The following WDR7 variants were observed in gnomAD, a reference collection of about 807,000 sequenced individuals.
WDR7 encodes WD repeat domain 7.
In WDR7, 46 loss-of-function variants were observed where a neutral mutation model predicts 169.4. The ratio of observed to expected loss-of-function variants is 0.27; its 90% CI spans 0.21 to 0.35. The LOEUF (loss-of-function observed/expected upper bound fraction) is 0.35. Ranked by LOEUF, WDR7 falls within the 10% of genes least tolerant of loss-of-function variation. WDR7 has a pLI of 1.00. For synonymous variants in WDR7, 612 were observed against 666.8 expected (o/e 0.92, Z 1.27); for missense variants, 1,534 against 1,859.3 (o/e 0.83, Z 3.22).
chr18:56,958,877 C>G (rs983872281), intron 25 of WDR7, among the ~76,000 whole-genome samples: 4 of 152,110 alleles, frequency 2.6e-5, no homozygotes, highest in Admixed American at 2.6e-4. Flanking sequence ...TGTAATGTTT[C>G]AAACTTCACT....
intron 16 of WDR7, 83 bp downstream of exon 16, chr18:56,759,036 ATTTG>A (rs58166764): frequency 0.07 from 79,178 of 1,128,344 alleles, 3,552 homozygotes; most frequent in East Asian, 0.18. Context: ...TAATCATAAT[ATTTG>A]TTTGTCTTGG....
chr18:56,670,915 C>A (rs2025121138), intron 1 of WDR7, among the ~76,000 whole-genome samples: 1 of 152,210 alleles, frequency 6.6e-6, no homozygotes, highest in African/African-American at 2.4e-5. Flanking sequence ...CTCTTCTATG[C>A]AGCTTTCTTT....
chr18:57,012,062 C>G (rs1450669799), intron 26 of WDR7, among the ~76,000 whole-genome samples: 1 of 152,118 alleles, frequency 6.6e-6, no homozygotes, highest in African/African-American at 2.4e-5. Context: ...ATGGGGCTAC[C>G]ATCTCTGTAA....
chr18:56,885,766 G>T (rs1000426550), intron 21 of WDR7, among the ~76,000 whole-genome samples: 34 of 150,866 alleles, frequency 2.3e-4, no homozygotes, highest in African/African-American at 7.8e-4. Context: ...GGCGGAGTTC[G>T]CAGTGAGCCG....
chr18:56,750,085 T>C (rs74334889), intron 14 of WDR7, among the ~76,000 whole-genome samples: 2,009 of 152,110 alleles, frequency 0.013, 20 homozygotes, highest in East Asian at 0.033. Flanking sequence ...GTTAATCTCA[T>C]GAATCATAGT....
intron 26 of WDR7, among the ~76,000 whole-genome samples, chr18:57,006,897 A>ATGTG (rs2048065457): frequency 6.6e-6 from 1 of 152,100 alleles, no homozygotes; most frequent in African/African-American, 2.4e-5. Flanking sequence ...ACCAGTACAT[A>ATGTG]TGTGTGTATG....
In WDR7 at chr18:56,724,209, A is replaced by ATTT. The variant is rs58382196; in HGVS notation, c.1774+6067_1774+6069dup. On this transcript the variant is annotated intron_variant, in intron 13 of 27. Coordinates refer to ENST00000254442, the MANE Select transcript of WDR7 (RefSeq NM_015285.3). ...GATCATTTTTTTGACATGCCTGGTAATTTTTTTTTTTTTTTTTTTGAGACA... is the reference window on the plus strand; with the variant it reads ...GATCATTTTTTTGACATGCCTGGTAATTTTTTTTTTTTTTTTTTTTTTGAGACA... Among the ~76,000 whole-genome samples, 189 of 98,002 alleles carry ATTT rather than the reference A, an allele frequency of 1.9e-3. 3 individuals are homozygous for ATTT. Among genetic ancestry groups the ATTT allele is most frequent in the Admixed American group, 2.6e-3 (18 of 7,002 alleles). 64.3% of individuals were successfully genotyped at this position (98,002 alleles called of 152,430 possible).
chr18:56,684,689 G>C (rs2025411047), intron 5 of WDR7, among the ~76,000 whole-genome samples: 1 of 152,190 alleles, frequency 6.6e-6, no homozygotes, highest in Non-Finnish European at 1.5e-5. Flanking sequence ...TTCATTTCCT[G>C]CCGCTGTTCT....
At chr18:56,742,232 A>G (rs1002905135) in intron 14 of WDR7, among the ~76,000 whole-genome samples, 2 of 152,240 alleles carry the variant, frequency 1.3e-5, no homozygotes, top group African/African-American at 4.8e-5. Context: ...ATCATAAATC[A>G]AATAGTAGAA....
At chr18:56,682,161 T>C (rs1316064594) in intron 4 of WDR7, among the ~76,000 whole-genome samples, 2 of 152,184 alleles carry the variant, frequency 1.3e-5, no homozygotes, top group Non-Finnish European at 2.9e-5. Context: ...GAGTATATCA[T>C]TTTACATATA....
At chr18:56,938,448 A>G (rs1479780891) in intron 23 of WDR7, 85 bp from the exon 24 acceptor site, 4 of 1,515,866 alleles carry the variant, frequency 2.6e-6, no homozygotes, top group Admixed American at 2.2e-5. Flanking sequence ...TTTCTATAGT[A>G]TTAGAAAGTA....
chr18:56,731,480 A>T lies in WDR7; in HGVS notation c.1872A>T (p.Pro624=). ...CTGCTGTTGATTCACTTAGTCATCCAGCAGTCAACCTAAAACAAGCTATGA... is the reference window on the plus strand; with the variant it reads ...CTGCTGTTGATTCACTTAGTCATCCTGCAGTCAACCTAAAACAAGCTATGA... ...VPAAVDSLSH[P]AVNLKQAMTR... Residue 624 remains proline, a synonymous_variant, in exon 14 of 28, where the codon CCA becomes CCT. Transcript: ENST00000254442. The T allele has an allele frequency of 6.2e-7, 1 of 1,614,210 alleles. No individual in the cohort carries two copies. Among genetic ancestry groups the T allele is most frequent in the Non-Finnish European group, 8.5e-7 (1 of 1,180,028 alleles).
Position 56,781,571 on chromosome 18 carries a change from GAGA to G in WDR7, c.3110_3112del (p.Arg1037del). 1 of 1,612,408 alleles carries G rather than the reference GAGA, an allele frequency of 6.2e-7. No homozygotes were observed. The highest frequency in any genetic ancestry group is 8.5e-7 in the Non-Finnish European group (1 of 1,179,194). On this transcript the variant is annotated inframe_deletion, in exon 19 of 28. Transcript: ENST00000254442. ...CGCAGGCCCTGCTTCTGGCGGAACT[GAGA>G]AGAATTGAGCAGGCAGGCAGGAAGG...
At chr18:56,878,398 A>G (rs931761606) in intron 20 of WDR7, among the ~76,000 whole-genome samples, 8 of 152,128 alleles carry the variant, frequency 5.3e-5, no homozygotes, top group East Asian at 1.9e-4. Context: ...CTTAAATCCA[A>G]TGTGCTCTCT....
chr18:56,827,230 A>G (rs115240163), intron 20 of WDR7, among the ~76,000 whole-genome samples: 271 of 152,284 alleles, frequency 1.8e-3, no homozygotes, highest in African/African-American at 6.2e-3. Context: ...GTATGCCCTT[A>G]TTTGAGTTAC....
At chr18:56,842,384 A>G (rs916313810) in intron 20 of WDR7, among the ~76,000 whole-genome samples, 1 of 152,126 alleles carries the variant, frequency 6.6e-6, no homozygotes, top group Non-Finnish European at 1.5e-5. Context: ...CAATAACAGC[A>G]TTAGTCCGTT....
At chr18:56,659,915 T>C (rs570528695) in intron 1 of WDR7, among the ~76,000 whole-genome samples, 82 of 152,116 alleles carry the variant, frequency 5.4e-4, no homozygotes, top group Non-Finnish European at 1.0e-3. Flanking sequence ...GGAGCAAAGA[T>C]GGAAACAGGG....
chr18:56,989,205 GTGTC>G (rs563966607), intron 26 of WDR7, among the ~76,000 whole-genome samples: 1 of 151,972 alleles, frequency 6.6e-6, no homozygotes, highest in Non-Finnish European at 1.5e-5. Flanking sequence ...AAAATATTCT[GTGTC>G]TGTACTCTCC....
At chr18:57,023,324 A>G (rs1339176494) in intron 27 of WDR7, among the ~76,000 whole-genome samples, 1 of 152,218 alleles carries the variant, frequency 6.6e-6, no homozygotes, top group Non-Finnish European at 1.5e-5. Context: ...GTGTACTGTA[A>G]TATATTTTGA....
Sources: gnomAD v4.1 joint callset for allele counts (sites outside exome capture counted in the v4.1 genomes callset) on GRCh38, gnomAD v4.1.1 for gene constraint, MANE v1.5 for transcripts, NCBI Gene and HGNC (gene_info 2026-07-23, HGNC 2026-07-21) for gene names.